FAM163A: variants seen among roughly 807,000 people sequenced by gnomAD.
The protein encoded by FAM163A is protein FAM163A.
In FAM163A, 7 loss-of-function variants were observed where a neutral mutation model predicts 12.0. The ratio of observed to expected loss-of-function variants is 0.58; its 90% confidence interval spans 0.33 to 1.10. The LOEUF is 1.10. Among genes scored for constraint, FAM163A ranks in the 50% least tolerant of loss-of-function variants. The pLI is 0.03. For synonymous variants in FAM163A, 101 were observed against 91.0 expected (o/e 1.11, Z -0.62); for missense variants, 202 against 218.6 (o/e 0.92, Z 0.48).
At chr1:179,762,320 A>G (rs907175653) in intron 1 of FAM163A, among the ~76,000 whole-genome samples, 2 of 152,092 alleles carry the variant, frequency 1.3e-5, no homozygotes, top group East Asian at 3.9e-4. Context: ...ACATCAGGAG[A>G]GTCTTTTTTC....
chr1:179,739,660 A>G (rs61826445), upstream of FAM163A, among the ~76,000 whole-genome samples: 3,920 of 152,258 alleles, frequency 0.026, 63 homozygotes, highest in Middle Eastern at 0.075. Context: ...CCCCTTATCT[A>G]GACTATATAG....
At chr1:179,736,644 C>A in the FAM163A span, among the ~76,000 whole-genome samples, 1 of 151,868 alleles carries the variant, frequency 6.6e-6, no homozygotes, top group African/African-American at 2.4e-5. Context: ...CCCATCTCTA[C>A]TAAAAATACA....
At chr1:179,737,067 A>T in the FAM163A span, among the ~76,000 whole-genome samples, 1 of 152,196 alleles carries the variant, frequency 6.6e-6, no homozygotes, top group Non-Finnish European at 1.5e-5. Context: ...TCCCATGTTC[A>T]TTGCAGCATT....
chr1:179,767,922 T>C (rs777155643), intron 1 of FAM163A, among the ~76,000 whole-genome samples: 4 of 152,186 alleles, frequency 2.6e-5, no homozygotes, highest in Admixed American at 6.5e-5. Context: ...TTAAGTATAG[T>C]ATATAGTTGG....
rs1163780170 is a variant in FAM163A, at chr1:179,814,964, A to AT, written c.*779dup. The AT allele has an allele frequency of 6.6e-5, 10 of 152,072 alleles. No individual in the cohort carries two copies. The highest frequency in any genetic ancestry group is 4.1e-4 in the South Asian group (2 of 4,820). The allele number at this position is 152,072 out of a possible 1,614,324, so 9.4% of individuals were successfully genotyped here. A position where few individuals can be genotyped will look rare whatever the true frequency, so the allele number is the denominator to read the frequency against. On this transcript the variant is annotated 3_prime_UTR_variant, in exon 5 of 5. Transcript: ENST00000341785. ...CGCCCCCTGCTGGAGAAGTTTTTTCATTTTGTTAGCCGACTTCTGGTAGCT... is the reference window on the plus strand; with the variant it reads ...CGCCCCCTGCTGGAGAAGTTTTTTCATTTTTGTTAGCCGACTTCTGGTAGCT...
At chr1:179,780,764 C>T (rs1240578340) in intron 1 of FAM163A, among the ~76,000 whole-genome samples, 1 of 152,168 alleles carries the variant, frequency 6.6e-6, no homozygotes, top group Non-Finnish European at 1.5e-5. Flanking sequence ...TTATGTTTGC[C>T]TAAAATGCCT....
intron 1 of FAM163A, among the ~76,000 whole-genome samples, chr1:179,756,237 G>T (rs1686002485): frequency 6.6e-6 from 1 of 152,242 alleles, no homozygotes; most frequent in Non-Finnish European, 1.5e-5. Context: ...AGTCAGGAAA[G>T]AAGGTAAATG....
At position 179,769,321 on chromosome 1, in the gene FAM163A, AT is replaced by A. The variant is rs10645895; in HGVS notation, c.-136+25910del. Among the ~76,000 whole-genome samples, 103 of 145,804 alleles carry A rather than the reference AT, an allele frequency of 7.1e-4. 1 individual carries two copies. Among genetic ancestry groups the A allele is most frequent in the Middle Eastern group, 3.4e-3 (1 of 290 alleles). ...CCACCATGCCTGGCTAATTTTTTCA[AT>A]TTTTTTTTTTTGTAGAGATGGGATC... is the stretch of plus-strand genomic sequence containing the variant. On this transcript the variant is annotated intron_variant, in intron 1 of 4. Transcript: ENST00000341785.
intron 1 of FAM163A, among the ~76,000 whole-genome samples, chr1:179,750,349 A>G (rs1383351640): frequency 6.6e-6 from 1 of 152,226 alleles, no homozygotes; most frequent in Non-Finnish European, 1.5e-5. Flanking sequence ...TAAAAGCTAT[A>G]AAGTGGAGGT....
At chr1:179,781,068 C>T (rs1689658636) in intron 1 of FAM163A, among the ~76,000 whole-genome samples, 1 of 152,116 alleles carries the variant, frequency 6.6e-6, no homozygotes, top group African/African-American at 2.4e-5. Flanking sequence ...GGGAGAAATG[C>T]AAGCATACAC....
At chr1:179,745,716 T>C (rs7525836) in intron 1 of FAM163A, among the ~76,000 whole-genome samples, 1,786 of 152,294 alleles carry the variant, frequency 0.012, 45 homozygotes, top group African/African-American at 0.04. Flanking sequence ...TTTGCAAAAT[T>C]ACTATTATTT....
At chr1:179,806,413 C>G (rs1178388720) in intron 1 of FAM163A, among the ~76,000 whole-genome samples, 2 of 151,942 alleles carry the variant, frequency 1.3e-5, no homozygotes, top group Admixed American at 6.5e-5. Flanking sequence ...GTAGGAAGGC[C>G]TAGATCTAGG....
At chr1:179,738,836 A>C (rs891122456), upstream of FAM163A, among the ~76,000 whole-genome samples, 10 of 152,214 alleles carry the variant, frequency 6.6e-5, no homozygotes, top group African/African-American at 2.2e-4. Flanking sequence ...TTTAAACAGA[A>C]AGGCAAAGGA....
At chr1:179,787,487 C>T (rs938486762) in intron 1 of FAM163A, among the ~76,000 whole-genome samples, 5 of 152,184 alleles carry the variant, frequency 3.3e-5, no homozygotes, top group African/African-American at 1.2e-4. Context: ...AATCAAATAA[C>T]GACATGACCC....
At chr1:179,795,383 G>T (rs1251835403) in intron 1 of FAM163A, among the ~76,000 whole-genome samples, 4 of 152,332 alleles carry the variant, frequency 2.6e-5, no homozygotes, top group Admixed American at 6.5e-5. Context: ...GGTTTTAAGA[G>T]GTAGGGTCTT....
At chr1:179,811,006 G>T (rs1148822) in intron 2 of FAM163A, among the ~76,000 whole-genome samples, 55,316 of 151,896 alleles carry the variant, frequency 0.36, 10,546 homozygotes, top group Middle Eastern at 0.46. Flanking sequence ...TTGTGCCACT[G>T]CACTCCAGAC....
At chr1:179,793,564 T>G (rs1691828406) in intron 1 of FAM163A, among the ~76,000 whole-genome samples, 1 of 152,156 alleles carries the variant, frequency 6.6e-6, no homozygotes, top group Non-Finnish European at 1.5e-5. Context: ...AAACCCCAGC[T>G]CTAGAGGGTG....
rs748925541 is a variant in FAM163A at position 179,813,920 on chromosome 1, C to CTCACCAGCGAGCCCTG, written c.236_251dup (p.Ser85HisfsTer32). 1 of 1,613,792 alleles carries CTCACCAGCGAGCCCTG rather than the reference C, an allele frequency of 6.2e-7. No individual in the cohort carries two copies. Among genetic ancestry groups the CTCACCAGCGAGCCCTG allele is most frequent in the South Asian group, 1.1e-5 (1 of 91,072 alleles). On this transcript the variant is annotated frameshift_variant, in exon 5 of 5. Transcript: ENST00000341785. LOFTEE classifies it high-confidence loss of function. Reference sequence around the variant, plus strand: ...GGACGGCAGAGGCAGCCTGGCGCCTCTCACCAGCGAGCCCTGCAGCCAGCC... The same window carrying CTCACCAGCGAGCCCTG: ...GGACGGCAGAGGCAGCCTGGCGCCTCTCACCAGCGAGCCCTGTCACCAGCGAGCCCTGCAGCCAGCC...
intron 1 of FAM163A, among the ~76,000 whole-genome samples, chr1:179,763,171 A>T (rs929487209): frequency 6.6e-6 from 1 of 152,216 alleles, no homozygotes; most frequent in Admixed American, 6.5e-5. Context: ...TGCAGATGTA[A>T]GCCTGCTCCA....
Sources: allele counts gnomAD v4.1 joint callset (sites outside exome capture counted in the v4.1 genomes callset), GRCh38; gene constraint gnomAD v4.1.1; transcripts MANE v1.5; gene names NCBI Gene and HGNC (gene_info 2026-07-23, HGNC 2026-07-21).